The following ERAS variants were observed in gnomAD, a reference collection of about 807,000 sequenced individuals.
ERAS encodes GTPase ERas.
For missense variants in ERAS, 137 were observed against 199.2 expected, an observed-to-expected ratio of 0.69 and a Z score of 1.88; for synonymous variants, 87 against 89.1, an observed-to-expected ratio of 0.98 and a Z score of 0.13.
At chrX:48,827,879 G>A (rs1427941262) in intron 1 of ERAS, among the ~76,000 whole-genome samples, 1 of 111,617 alleles carries the variant, frequency 9.0e-6, no homozygotes, top group East Asian at 2.8e-4. Context: ...ACTGGGGTCT[G>A]TTTTGTTAAC....
intron 1 of ERAS, 63 bp downstream of exon 1, chrX:48,826,612 G>A (rs1426073409): frequency 8.9e-6 from 1 of 112,156 alleles, no homozygotes; most frequent in African/African-American, 3.2e-5. Flanking sequence ...GCCGGCTTTG[G>A]GGGATCGTCC....
At chrX:48,827,612 C>G (rs1341834758) in intron 1 of ERAS, among the ~76,000 whole-genome samples, 1 of 112,050 alleles carries the variant, frequency 8.9e-6, no homozygotes, top group Admixed American at 9.5e-5. Context: ...AGCCACCATC[C>G]GCCCCCAAAC....
In ERAS at chrX:48,829,058, GCTT is replaced by G. The variant is rs1466877485; in HGVS notation, c.-43-17_-43-15del. The G allele has an allele frequency of 9.2e-5, 90 of 982,550 alleles. No individual in the cohort carries two copies. The African/African-American group carries it at 1.6e-3, about 17-fold the overall frequency. 81.0% of individuals were successfully genotyped at this position (982,550 alleles called of 1,213,427 possible). The stretch of plus-strand genomic sequence containing the variant: ...CCCCTAACGTATCCCCTGTTGTCTT[GCTT>G]CTTCTCTTCCCACTTGCAGAGCCTG... On this transcript the variant is annotated intron_variant, in intron 1 of 1. Coordinates refer to ENST00000636362, the MANE Select transcript of ERAS (RefSeq NM_181532.3).
chrX:48,828,622 A>G (rs1301137297), intron 1 of ERAS, among the ~76,000 whole-genome samples: 1 of 111,635 alleles, frequency 9.0e-6, no homozygotes, highest in Non-Finnish European at 1.9e-5. Context: ...GTGCTGGGCT[A>G]GGGTTCAATG....
In ERAS at chrX:48,829,765, C is replaced by T. The variant is rs1557033104; in HGVS notation, c.642C>T (p.Ser214=). ...TGGCGAAGGAGCCCATGGCAAGGTC[C>T]TGTAGGGAGAAGACCCGGCACCAGA... ...EAMAKEPMAR[S]CREKTRHQKA... is the part of the protein sequence containing the mutation. Residue 214 remains serine (S), a synonymous_variant, in exon 2 of 2, where the codon TCC becomes TCT. Coordinates refer to ENST00000636362, the MANE Select transcript of ERAS (RefSeq NM_181532.3). 2 of 1,188,973 alleles carry T rather than the reference C, an allele frequency of 1.7e-6. No homozygotes were observed. The highest frequency in any genetic ancestry group is 1.9e-5 in the South Asian group (1 of 53,564).
rs781837068 is a variant in ERAS, at chrX:48,827,935, G to T, written c.-43-1146G>T. On this transcript the variant is annotated intron_variant, in intron 1 of 1. Transcript: ENST00000636362. ...CACGAAGGAAGATTCTTGAATTAAT[G>T]AATGGAGATTAAATTATAATTTAAA... Among the ~76,000 whole-genome samples the T allele has an allele frequency of 1.2e-4, 13 of 110,632 alleles. No individual in the cohort carries two copies. The South Asian group carries it at 5.0e-3, about 42-fold the overall frequency.
intron 1 of ERAS, among the ~76,000 whole-genome samples, chrX:48,826,771 C>T (rs1557032644): frequency 8.9e-6 from 1 of 112,113 alleles, no homozygotes; most frequent in African/African-American, 3.2e-5. Context: ...ACACCGAGCC[C>T]GAAGTGGAGT....
chrX:48,827,536 C>G, intron 1 of ERAS, among the ~76,000 whole-genome samples: 3 of 111,991 alleles, frequency 2.7e-5, no homozygotes, highest in East Asian at 5.6e-4. Context: ...GACGCCGCGG[C>G]CGCATCCCCA....
rs1557033007 is a variant in ERAS at position 48,829,390 on chromosome X, C to T, written c.267C>T (p.Cys89=). ...AGTTGACCCTGGACAGTGGGGACTG[C>T]ATTCTGAATGTGCTGGACACAGCAG... ...WKELTLDSGD[C]ILNVLDTAGQ... The change falls in exon 2 of 2, where the codon TGC becomes TGT. Residue 89 remains cysteine (C), a synonymous_variant. Transcript: ENST00000636362. 5 of 1,208,685 alleles carry T rather than the reference C, an allele frequency of 4.1e-6. No homozygotes were observed. Among genetic ancestry groups the T allele is most frequent in the Non-Finnish European group, 5.6e-6 (5 of 893,989 alleles).
intron 1 of ERAS, among the ~76,000 whole-genome samples, 154 bp downstream of exon 1, chrX:48,826,703 G>T (rs1466511217): frequency 1.8e-5 from 2 of 112,169 alleles, no homozygotes; most frequent in Non-Finnish European, 3.8e-5. Flanking sequence ...GCTGGAAGCG[G>T]GGCCGCCTCA....
rs1249122022 is a variant in ERAS at position 48,829,289 on chromosome X, G to A, written c.166G>A (p.Ala56Thr). ...GGGCGCCAGTGGCGTGGGCAAGAGT[G>A]CGCTGACCATCCAGCTGAACCACCA... ...VVGASGVGKS[A>T]LTIQLNHQCF... Residue 56 changes from alanine to threonine, a missense_variant, in exon 2 of 2, where the codon GCG (alanine) becomes ACG (threonine). Coordinates refer to ENST00000636362, the MANE Select transcript of ERAS (RefSeq NM_181532.3). 8.3e-7 allele frequency: 1 copy of A among 1,211,729 alleles called. No individual in the cohort carries two copies. Among genetic ancestry groups the A allele is most frequent in the Non-Finnish European group, 1.1e-6 (1 of 895,241 alleles).
chrX:48,828,875 TGAG>T, intron 1 of ERAS: 3 of 284,646 alleles, frequency 1.1e-5, no homozygotes, highest in East Asian at 1.0e-4. Flanking sequence ...TTGATTCGCG[TGAG>T]GAGGGAAGGA....
chrX:48,827,384 C>G (rs1278303222), intron 1 of ERAS, among the ~76,000 whole-genome samples: 2 of 111,528 alleles, frequency 1.8e-5, no homozygotes, highest in Admixed American at 9.4e-5. Flanking sequence ...CCCCTCCCCG[C>G]AGTCCTCCAG....
Position 48,829,769 on chromosome X carries a change from A to G in ERAS, c.646A>G (p.Arg216Gly). 8.4e-7 allele frequency: 1 copy of G among 1,186,667 alleles called. No individual in the cohort carries two copies. The highest frequency in any genetic ancestry group is 1.9e-5 in the South Asian group (1 of 53,236). The change falls in exon 2 of 2, where the codon AGG (arginine) becomes GGG (glycine). Residue 216 changes from arginine to glycine, a missense_variant. Physicochemically the swap from Arg to Gly is moderately radical, Grantham distance 125 (BLOSUM62 -2). Coordinates refer to ENST00000636362, the MANE Select transcript of ERAS (RefSeq NM_181532.3). ...GAAGGAGCCCATGGCAAGGTCCTGT[A>G]GGGAGAAGACCCGGCACCAGAAGGC... ...MAKEPMARSC[R>G]EKTRHQKATC...
At position 48,829,178 on chromosome X, in the gene ERAS, C is replaced by T; in HGVS notation, c.55C>T (p.Pro19Ser). ...CGACCTGGGCCTGGCCACATGGAGC[C>T]CTTCCTTCCAGGGGGAAACCCACCG... is the stretch of plus-strand genomic sequence containing the variant. ...TFDLGLATWS[P>S]SFQGETHRAQ... is the part of the protein sequence containing the mutation. The change falls in exon 2 of 2, where the codon CCT becomes TCT. Residue 19 changes from proline (P) to serine (S), a missense_variant. Pro to Ser is a moderately conservative substitution (Grantham distance 74, BLOSUM62 -1). Coordinates refer to ENST00000636362, the MANE Select transcript of ERAS (RefSeq NM_181532.3). 1.7e-6 allele frequency: 2 copies of T among 1,145,886 alleles called. No individual in the cohort carries two copies. The highest frequency in any genetic ancestry group is 1.8e-5 in the African/African-American group (1 of 56,215). The allele number at this position is 1,145,886 out of a possible 1,213,427, so 94.4% of individuals were successfully genotyped here.
rs140653491 is a variant in ERAS, at chrX:48,829,645, G to A, written c.522G>A (p.Gly174=). The change falls in exon 2 of 2, where the codon GGG becomes GGA. Residue 174 remains glycine, a synonymous_variant. Transcript: ENST00000636362. ...AAAAALAHSW[G]AHFVETSAKT... ...CTGCAGCCCTCGCACACAGCTGGGG[G>A]GCCCACTTCGTGGAGACCTCGGCCA... 361 of 1,209,762 alleles carry A rather than the reference G, an allele frequency of 3.0e-4. No individual in the cohort carries two copies. The highest frequency in any genetic ancestry group is 3.9e-4 in the Non-Finnish European group (345 of 894,672).
chrX:48,826,738 A>G (rs2063160079), intron 1 of ERAS, among the ~76,000 whole-genome samples, 189 bp downstream of exon 1: 1 of 111,847 alleles, frequency 8.9e-6, no homozygotes, highest in Non-Finnish European at 1.9e-5. Context: ...GGGTCTTGAC[A>G]GGATGCCCGG....
In ERAS at chrX:48,829,753, C is replaced by T. The variant is rs1557033102; in HGVS notation, c.630C>T (p.Pro210=). The T allele has an allele frequency of 8.3e-7, 1 of 1,200,484 alleles. No homozygotes were observed. Among genetic ancestry groups the T allele is most frequent in the Admixed American group, 2.2e-5 (1 of 44,763 alleles). ...QRVQEAMAKE[P]MARSCREKTR... ...TCCAGGAGGCCATGGCGAAGGAGCCCATGGCAAGGTCCTGTAGGGAGAAGA... is the reference window on the plus strand; with the variant it reads ...TCCAGGAGGCCATGGCGAAGGAGCCTATGGCAAGGTCCTGTAGGGAGAAGA... Residue 210 remains proline, a synonymous_variant, in exon 2 of 2, where the codon CCC becomes CCT. Transcript: ENST00000636362.
chrX:48,826,747 G>A (rs782624464), intron 1 of ERAS, among the ~76,000 whole-genome samples, 198 bp downstream of exon 1: 3 of 112,032 alleles, frequency 2.7e-5, no homozygotes, highest in Non-Finnish European at 5.7e-5. Context: ...CAGGATGCCC[G>A]GGCGACGCTG....
Sources: allele counts gnomAD v4.1 joint callset (sites outside exome capture counted in the v4.1 genomes callset), GRCh38; gene constraint gnomAD v4.1.1; transcripts MANE v1.5; gene names NCBI Gene and HGNC (gene_info 2026-07-23, HGNC 2026-07-21).